The following ZNF487 variants were observed in gnomAD, a reference collection of about 807,000 sequenced individuals.
ZNF487 encodes KRAB domain only 1.
ZNF487 carries 4 observed loss-of-function variants against 3.0 expected under a neutral mutation model. That is an observed-to-expected ratio of 1.35 (90% CI 0.66 to 3.08). The LOEUF is 3.08. Ranked by LOEUF, ZNF487 falls within the 30% of genes most tolerant of loss-of-function variation. ZNF487 has a pLI of 0.01. For missense variants in ZNF487, 146 were observed against 98.7 expected (o/e 1.48, Z -2.03); for synonymous variants, 55 against 34.6 (o/e 1.59, Z -2.06).
chr10:43,456,074 G>T (rs1840188753), intron 1 of ZNF487, among the ~76,000 whole-genome samples: 1 of 152,212 alleles, frequency 6.6e-6, no homozygotes, highest in South Asian at 2.1e-4. Flanking sequence ...TGTAGTCAGG[G>T]TTCGTGGGCC....
At position 43,482,065 on chromosome 10, in the gene ZNF487, G is replaced by A; in HGVS notation, c.*143G>A. 1 of 581,910 alleles carries A rather than the reference G, an allele frequency of 1.7e-6. No homozygotes were observed. The highest frequency in any genetic ancestry group is 3.0e-6 in the Non-Finnish European group (1 of 331,048). 36.0% of individuals were successfully genotyped at this position (581,910 alleles called of 1,614,324 possible). On this transcript the variant is annotated 3_prime_UTR_variant, in exon 4 of 4. Transcript: ENST00000437590. ...GCCACCTGTAAATAAACACCACAGGGTTATGGAGATGAAATACTATGAGTG... is the reference window on the plus strand; with the variant it reads ...GCCACCTGTAAATAAACACCACAGGATTATGGAGATGAAATACTATGAGTG...
At chr10:43,451,187 ACG>A (rs1195098482) in intron 1 of ZNF487, among the ~76,000 whole-genome samples, 3 of 149,060 alleles carry the variant, frequency 2.0e-5, no homozygotes, top group Non-Finnish European at 4.5e-5. Flanking sequence ...CTCAGGTGAT[ACG>A]CTTGCCTCGG....
At chr10:43,521,119 C>T in the ZNF487 span, among the ~76,000 whole-genome samples, 3 of 152,128 alleles carry the variant, frequency 2.0e-5, no homozygotes, top group Non-Finnish European at 4.4e-5. Flanking sequence ...TATTCATGTT[C>T]TGGAAAGTTA....
intron 1 of ZNF487, among the ~76,000 whole-genome samples, chr10:43,470,782 G>T (rs1048646252): frequency 6.6e-6 from 1 of 152,080 alleles, no homozygotes; most frequent in African/African-American, 2.4e-5. Flanking sequence ...ACCTCCCAAA[G>T]TGTTGGGATT....
the ZNF487 span, among the ~76,000 whole-genome samples, chr10:43,489,545 G>GT: frequency 6.6e-6 from 1 of 151,996 alleles, no homozygotes; most frequent in East Asian, 1.9e-4. Context: ...GTAGAGACGG[G>GT]GTTTTACCAT....
At chr10:43,487,929 C>CAAAAAAAAAAAAA (rs76705594), downstream of ZNF487, among the ~76,000 whole-genome samples, 28 of 40,442 alleles carry the variant, frequency 6.9e-4, no homozygotes, top group South Asian at 1.1e-3. Context: ...TACCAAAATA[C>CAAAAAAAAAAAAA]AAAAAAAAAA....
the ZNF487 span, among the ~76,000 whole-genome samples, chr10:43,515,505 C>T: frequency 6.6e-6 from 1 of 152,198 alleles, no homozygotes; most frequent in Non-Finnish European, 1.5e-5. Context: ...AACTCAGTGT[C>T]CTCAGCTTCA....
In ZNF487 at chr10:43,461,049, C is replaced by T. The variant is rs138029158; in HGVS notation, c.-93-14672C>T. On this transcript the variant is annotated intron_variant, in intron 1 of 3. Transcript: ENST00000437590. ...GAGACAGAGTTTCGCTCTCATCGCC[C>T]AGGCTGGAGTGCAATGGCGTGATCT... 2.0e-5 allele frequency among the ~76,000 whole-genome samples: 3 copies of T among 151,866 alleles called. No homozygotes were observed. In the East Asian group the frequency reaches 5.8e-4, roughly 30 times the overall value.
At chr10:43,502,299 G>A in the ZNF487 span, among the ~76,000 whole-genome samples, 5 of 152,086 alleles carry the variant, frequency 3.3e-5, no homozygotes, top group South Asian at 6.2e-4. Flanking sequence ...ACCAAACACC[G>A]CATATTCTCA....
downstream of ZNF487, among the ~76,000 whole-genome samples, chr10:43,485,455 G>C (rs1227680055): frequency 6.6e-6 from 1 of 152,170 alleles, no homozygotes; most frequent in Non-Finnish European, 1.5e-5. Flanking sequence ...GGGGCATGAA[G>C]ACTTCCTGGC....
intron 1 of ZNF487, among the ~76,000 whole-genome samples, chr10:43,474,582 G>T (rs1337631302): frequency 6.6e-6 from 1 of 151,416 alleles, no homozygotes; most frequent in Non-Finnish European, 1.5e-5. Context: ...AAGGAAAAAT[G>T]ATTTATTATT....
chr10:43,455,398 T>G (rs967726444), intron 1 of ZNF487, among the ~76,000 whole-genome samples: 4 of 152,236 alleles, frequency 2.6e-5, no homozygotes, highest in African/African-American at 9.6e-5. Context: ...ATTGGCATCG[T>G]GACTACCAAC....
the ZNF487 span, among the ~76,000 whole-genome samples, chr10:43,506,481 A>G: frequency 3.3e-5 from 5 of 152,250 alleles, no homozygotes; most frequent in South Asian, 1.0e-3. Flanking sequence ...TCCAGCCTGG[A>G]TGACAGATTG....
chr10:43,460,875 A>G (rs1469312323), intron 1 of ZNF487, among the ~76,000 whole-genome samples: 4 of 151,570 alleles, frequency 2.6e-5, no homozygotes, highest in Non-Finnish European at 5.9e-5. Flanking sequence ...GTATTTTTAG[A>G]GAGACAGGGT....
At chr10:43,461,836 A>T (rs1224175909) in intron 1 of ZNF487, among the ~76,000 whole-genome samples, 1 of 152,122 alleles carries the variant, frequency 6.6e-6, no homozygotes, top group Non-Finnish European at 1.5e-5. Flanking sequence ...TATCCTTTAG[A>T]ACTTGATACA....
At chr10:43,463,998 C>A (rs1323746040) in intron 1 of ZNF487, among the ~76,000 whole-genome samples, 1 of 151,842 alleles carries the variant, frequency 6.6e-6, no homozygotes, top group Non-Finnish European at 1.5e-5. Flanking sequence ...GGGTAGGTAA[C>A]TACCCTGCAG....
rs1024338134 is a variant in ZNF487, at chr10:43,470,341, G to A, written c.-93-5380G>A. ...TGATACTCCCACCTTAGCCTCCTGA[G>A]TAGCTGGGACTACAGGTGCATGCCA... On this transcript the variant is annotated intron_variant, in intron 1 of 3. Coordinates refer to ENST00000437590, the MANE Select transcript of ZNF487 (RefSeq NM_001355444.3). 2.0e-5 allele frequency among the ~76,000 whole-genome samples: 3 copies of A among 151,698 alleles called. No homozygotes were observed. In the South Asian group the frequency reaches 6.2e-4, roughly 32 times the overall value.
chr10:43,462,792 A>AG (rs1424012351), intron 1 of ZNF487, among the ~76,000 whole-genome samples: 1 of 147,634 alleles, frequency 6.8e-6, no homozygotes, highest in Non-Finnish European at 1.5e-5. Context: ...AAATAGAGAT[A>AG]GGGGTCTCAT....
downstream of ZNF487, among the ~76,000 whole-genome samples, chr10:43,485,636 A>G (rs1841464470): frequency 6.6e-6 from 1 of 152,232 alleles, no homozygotes; most frequent in Non-Finnish European, 1.5e-5. Flanking sequence ...AAAATATTGT[A>G]GTCTAGTGTG....
Sources: allele counts gnomAD v4.1 joint callset (sites outside exome capture counted in the v4.1 genomes callset), GRCh38; gene constraint gnomAD v4.1.1; transcripts MANE v1.5; gene names NCBI Gene and HGNC (gene_info 2026-07-23, HGNC 2026-07-21).